The following PTPRG variants were observed in gnomAD, a reference collection of about 807,000 sequenced individuals.
The protein encoded by PTPRG is receptor-type tyrosine-protein phosphatase gamma.
Under a neutral mutation model 165.3 loss-of-function variants are expected in PTPRG, and 102 were observed. The ratio of observed to expected loss-of-function variants is 0.62; its 90% CI spans 0.53 to 0.73. The LOEUF (loss-of-function observed/expected upper bound fraction) is 0.73, where lower values mean the gene tolerates loss of function less well. PTPRG is among the 30% of genes least tolerant of loss of function. The probability of loss-of-function intolerance (pLI) is 0.00; values close to 1 mark genes in which losing one functional copy is unlikely to be tolerated. For missense variants in PTPRG, 1,866 were observed against 1,861.4 expected (o/e 1.00, Z -0.05); for synonymous variants, 675 against 669.5 (o/e 1.01, Z -0.13).
At chr3:62,067,073 C>T (rs1334414343) in intron 4 of PTPRG, among the ~76,000 whole-genome samples, 3 of 149,766 alleles carry the variant, frequency 2.0e-5, no homozygotes, top group South Asian at 2.1e-4. Context: ...CAACTGCTCT[C>T]CCAGTTTCAA....
intron 3 of PTPRG, among the ~76,000 whole-genome samples, chr3:61,995,678 GCCCGCCTTCCTTCCTTCCTT>G (rs2041018635): frequency 3.2e-5 from 3 of 92,310 alleles, no homozygotes; most frequent in Admixed American, 3.2e-4. Flanking sequence ...CTGCCTGCCC[GCCCGCCTTCCTTCCTTCCTT>G]CCTTCCTTCC....
At chr3:62,239,504 G>T (rs1453952634) in intron 14 of PTPRG, among the ~76,000 whole-genome samples, 2 of 151,616 alleles carry the variant, frequency 1.3e-5, no homozygotes, top group African/African-American at 4.8e-5. Flanking sequence ...CGAGTAGCTG[G>T]AACTACAGGC....
At chr3:61,952,546 T>C (rs2107626747) in intron 2 of PTPRG, among the ~76,000 whole-genome samples, 1 of 152,330 alleles carries the variant, frequency 6.6e-6, no homozygotes, top group South Asian at 2.1e-4. Context: ...CAAATTGATA[T>C]TTCTGGCTGA....
At chr3:62,188,645 C>A (rs899905592) in intron 8 of PTPRG, among the ~76,000 whole-genome samples, 14 of 151,962 alleles carry the variant, frequency 9.2e-5, no homozygotes, top group African/African-American at 3.4e-4. Context: ...ATTTTAATTT[C>A]AAAAAATAAG....
chr3:62,107,120 C>A (rs1366737716), intron 5 of PTPRG, among the ~76,000 whole-genome samples: 5 of 152,156 alleles, frequency 3.3e-5, no homozygotes, highest in Non-Finnish European at 5.9e-5. Context: ...ATAGAAACGA[C>A]AGTCATATGG....
intron 2 of PTPRG, among the ~76,000 whole-genome samples, chr3:61,893,838 C>T (rs936150908): frequency 1.3e-5 from 2 of 152,140 alleles, no homozygotes; most frequent in African/African-American, 4.8e-5. Flanking sequence ...ATGCAAACAA[C>T]TCTTAAAGGA....
At chr3:61,805,967 C>T (rs1301956741) in intron 2 of PTPRG, among the ~76,000 whole-genome samples, 2 of 152,102 alleles carry the variant, frequency 1.3e-5, no homozygotes, top group Non-Finnish European at 2.9e-5. Context: ...CGATCATATT[C>T]TCTCTTTGCC....
chr3:62,069,884 G>A (rs546033076), intron 4 of PTPRG, among the ~76,000 whole-genome samples: 1 of 152,118 alleles, frequency 6.6e-6, no homozygotes, highest in African/African-American at 2.4e-5. Flanking sequence ...GTCTTCAGCT[G>A]ATTGCATGAG....
At chr3:61,691,629 A>G (rs561840423) in intron 1 of PTPRG, among the ~76,000 whole-genome samples, 47 of 152,348 alleles carry the variant, frequency 3.1e-4, no homozygotes, top group African/African-American at 1.1e-3. Flanking sequence ...CGTTTTGTGT[A>G]CATCTGTGTA....
At chr3:61,700,384 C>T (rs2030886541) in intron 1 of PTPRG, among the ~76,000 whole-genome samples, 1 of 152,158 alleles carries the variant, frequency 6.6e-6, no homozygotes, top group South Asian at 2.1e-4. Context: ...TAAGATTTCT[C>T]ACAGTCCTGA....
chr3:62,112,054 G>C (rs1309400723), intron 5 of PTPRG, among the ~76,000 whole-genome samples: 1 of 152,080 alleles, frequency 6.6e-6, no homozygotes, highest in Non-Finnish European at 1.5e-5. Context: ...GGTTGTACCA[G>C]AAACACCATG....
chr3:61,840,694 G>A (rs905935636), intron 2 of PTPRG, among the ~76,000 whole-genome samples: 3 of 151,900 alleles, frequency 2.0e-5, no homozygotes, highest in African/African-American at 4.8e-5. Flanking sequence ...TATTGGGGGA[G>A]GGACAGGTCA....
intron 8 of PTPRG, among the ~76,000 whole-genome samples, chr3:62,178,514 A>G (rs1705523279): frequency 6.6e-6 from 1 of 152,166 alleles, no homozygotes; most frequent in South Asian, 2.1e-4. Flanking sequence ...TCTGACCAAA[A>G]GCCACCTTGG....
chr3:62,163,266 A>C (rs1704839180), intron 7 of PTPRG, among the ~76,000 whole-genome samples: 2 of 152,114 alleles, frequency 1.3e-5, no homozygotes, highest in South Asian at 4.1e-4. Context: ...AAGTTACTCA[A>C]TGCCTCTAAG....
At position 62,210,604 on chromosome 3, in the gene PTPRG, T is replaced by G. The variant is rs1700336457; in HGVS notation, c.2155+6654T>G. ...TGACCCTTGAAAAACAGTCTTGAAC[T>G]GCTTATATCCACTTATACACGAGTT... On this transcript the variant is annotated intron_variant, in intron 12 of 29. Transcript: ENST00000474889. The surrounding 1 kb of genome is among the most constrained non-coding windows in gnomAD (Gnocchi z 4.1). Among the ~76,000 whole-genome samples the G allele has an allele frequency of 6.6e-6, 1 of 152,140 alleles. No homozygotes were observed. The highest frequency in any genetic ancestry group is 2.4e-5 in the African/African-American group (1 of 41,416).
At chr3:61,730,190 G>A (rs1344309400) in intron 1 of PTPRG, among the ~76,000 whole-genome samples, 1 of 152,156 alleles carries the variant, frequency 6.6e-6, no homozygotes, top group African/African-American at 2.4e-5. Flanking sequence ...GCAGAACCAG[G>A]GGCTTGTCCT....
At chr3:62,176,768 G>A (rs1705441881) in intron 8 of PTPRG, among the ~76,000 whole-genome samples, 1 of 152,050 alleles carries the variant, frequency 6.6e-6, no homozygotes, top group Non-Finnish European at 1.5e-5. Context: ...TGGATGAGGA[G>A]GGCCTAACAC....
chr3:61,616,372 C>A (rs1575540056), intron 1 of PTPRG, among the ~76,000 whole-genome samples: 1 of 152,240 alleles, frequency 6.6e-6, no homozygotes, highest in African/African-American at 2.4e-5. Context: ...CACACATTAA[C>A]ATCTGTATGT....
chr3:62,025,168 T>C (rs902656495), intron 4 of PTPRG, among the ~76,000 whole-genome samples: 2 of 152,172 alleles, frequency 1.3e-5, no homozygotes, highest in Non-Finnish European at 2.9e-5. Context: ...TTTTAATATG[T>C]GGTGTCTTAG....
Sources: allele counts gnomAD v4.1 joint callset (sites outside exome capture counted in the v4.1 genomes callset), GRCh38; gene constraint gnomAD v4.1.1; non-coding constraint Gnocchi (gnomAD v3.1); transcripts MANE v1.5; gene names NCBI Gene and HGNC (gene_info 2026-07-23, HGNC 2026-07-21).